The following SCFD2 variants were observed in gnomAD, a reference collection of about 807,000 sequenced individuals.
The protein encoded by SCFD2 is sec1 family domain containing 2.
A neutral mutation model predicts 58.9 loss-of-function variants in SCFD2; 54 were observed. That is an observed-to-expected ratio of 0.92 (90% CI 0.74 to 1.15). The LOEUF (loss-of-function observed/expected upper bound fraction) is 1.15, where lower values mean the gene tolerates loss of function less well. Among genes scored for constraint, SCFD2 ranks in the 50% most tolerant of loss-of-function variants. SCFD2 has a pLI of 0.00. For synonymous variants in SCFD2, 321 were observed against 335.9 expected (o/e 0.96, Z 0.49); for missense variants, 805 against 836.6 (o/e 0.96, Z 0.47).
At chr4:53,321,829 G>A (rs1577965676) in intron 2 of SCFD2, among the ~76,000 whole-genome samples, 1 of 152,192 alleles carries the variant, frequency 6.6e-6, no homozygotes, top group Admixed American at 6.5e-5. Context: ...ATGTGACAGA[G>A]TCCCTTGGTA....
At chr4:53,093,027 G>A (rs1162075280) in intron 5 of SCFD2, among the ~76,000 whole-genome samples, 3 of 152,102 alleles carry the variant, frequency 2.0e-5, no homozygotes, top group African/African-American at 7.2e-5. Context: ...GCTGGAGTGT[G>A]CACAGTGCCT....
chr4:52,954,786 G>T (rs1158224725), intron 5 of SCFD2, among the ~76,000 whole-genome samples: 1 of 152,168 alleles, frequency 6.6e-6, no homozygotes, highest in Non-Finnish European at 1.5e-5. Context: ...AGAGCTGGCG[G>T]TTTTGCAGAT....
chr4:53,000,652 A>T (rs1189874505), intron 5 of SCFD2, among the ~76,000 whole-genome samples: 1 of 152,214 alleles, frequency 6.6e-6, no homozygotes, highest in Non-Finnish European at 1.5e-5. Context: ...CCTATCTTCC[A>T]GGCCAGCCTA....
At chr4:52,993,011 G>T (rs1721657721) in intron 5 of SCFD2, among the ~76,000 whole-genome samples, 2 of 151,818 alleles carry the variant, frequency 1.3e-5, no homozygotes, top group South Asian at 4.2e-4. Flanking sequence ...CTGTGCAGAG[G>T]GAAGTAGACG....
At chr4:53,306,089 C>T (rs750445115) in intron 3 of SCFD2, among the ~76,000 whole-genome samples, 11 of 152,080 alleles carry the variant, frequency 7.2e-5, no homozygotes, top group Non-Finnish European at 1.6e-4. Flanking sequence ...TGCTGTAATA[C>T]AATAATAGTA....
chr4:53,357,542 T>C (rs901846601), intron 1 of SCFD2, among the ~76,000 whole-genome samples: 2 of 152,018 alleles, frequency 1.3e-5, no homozygotes, highest in African/African-American at 4.8e-5. Flanking sequence ...GAGGGTCAAA[T>C]AGCACAAAAA....
chr4:53,008,327 A>G (rs1404269688), intron 5 of SCFD2, among the ~76,000 whole-genome samples: 1 of 152,078 alleles, frequency 6.6e-6, no homozygotes, highest in African/African-American at 2.4e-5. Flanking sequence ...ATGTAGAATG[A>G]CACCCCCCCT....
chr4:53,248,032 G>A (rs550037163), intron 4 of SCFD2, among the ~76,000 whole-genome samples: 1 of 152,338 alleles, frequency 6.6e-6, no homozygotes, highest in Non-Finnish European at 1.5e-5. Flanking sequence ...TCACTAGGGA[G>A]TGCCAGACAG....
At chr4:53,325,566 A>C (rs1042182618) in intron 2 of SCFD2, among the ~76,000 whole-genome samples, 1 of 152,224 alleles carries the variant, frequency 6.6e-6, no homozygotes, top group African/African-American at 2.4e-5. Context: ...TAAATGAACT[A>C]AAAGGCATCG....
chr4:53,096,054 A>C (rs925715459), intron 5 of SCFD2, among the ~76,000 whole-genome samples: 4 of 152,006 alleles, frequency 2.6e-5, no homozygotes, highest in African/African-American at 4.8e-5. Context: ...TGAACTCATC[A>C]TTTTTTATGG....
intron 5 of SCFD2, among the ~76,000 whole-genome samples, chr4:52,932,499 C>T (rs1454857382): frequency 1.3e-5 from 2 of 151,990 alleles, no homozygotes; most frequent in Non-Finnish European, 2.9e-5. Flanking sequence ...ACTCACTGAC[C>T]GTATTATAGG....
intron 6 of SCFD2, among the ~76,000 whole-genome samples, chr4:52,909,485 G>A (rs962596092): frequency 6.6e-6 from 1 of 152,202 alleles, no homozygotes; most frequent in Non-Finnish European, 1.5e-5. Flanking sequence ...GAATACGGAA[G>A]TTTAAATTGC....
intron 4 of SCFD2, among the ~76,000 whole-genome samples, chr4:53,158,300 T>C (rs1726750322): frequency 6.6e-6 from 1 of 152,196 alleles, no homozygotes; most frequent in South Asian, 2.1e-4. Context: ...CGTAAATACA[T>C]ATCTCCAGCC....
At chr4:53,188,840 C>G (rs1560376800) in intron 4 of SCFD2, among the ~76,000 whole-genome samples, 1 of 152,170 alleles carries the variant, frequency 6.6e-6, no homozygotes, top group Non-Finnish European at 1.5e-5. Context: ...TCTATCCAGT[C>G]TATCCCAAAT....
intron 5 of SCFD2, among the ~76,000 whole-genome samples, chr4:53,145,029 A>G (rs1168366127): frequency 1.3e-5 from 2 of 152,122 alleles, no homozygotes; most frequent in African/African-American, 4.8e-5. Flanking sequence ...CCTACTGTGA[A>G]GTGCACATAT....
chr4:53,066,580 C>G (rs1038255703), intron 5 of SCFD2, among the ~76,000 whole-genome samples: 3 of 152,146 alleles, frequency 2.0e-5, no homozygotes, highest in Non-Finnish European at 2.9e-5. Flanking sequence ...CTGTATGGGT[C>G]CTATGAGGTG....
rs778266885 is a variant in SCFD2, at chr4:53,365,272, T to G, written c.670A>C (p.Ser224Arg). 9 of 1,614,210 alleles carry G rather than the reference T, an allele frequency of 5.6e-6. No individual in the cohort carries two copies. In the South Asian group the frequency reaches 8.8e-5, roughly 16 times the overall value. ...LQIRCLVSGL[S>R]SLCEHLGVRE... ...ACTCCTAAATGTTCACACAGAGAACTGAGGCCTGACACTAGGCATCTGATC... is the reference window on the plus strand; with the variant it reads ...ACTCCTAAATGTTCACACAGAGAACGGAGGCCTGACACTAGGCATCTGATC... Residue 224 changes from serine to arginine, a missense_variant, in exon 1 of 9, where the codon AGT becomes CGT. Transcript: ENST00000401642. The surrounding 1 kb of genome is among the most constrained non-coding windows in gnomAD (Gnocchi z 4.3).
At chr4:53,335,197 A>C (rs1212859154) in intron 2 of SCFD2, among the ~76,000 whole-genome samples, 1 of 140,554 alleles carries the variant, frequency 7.1e-6, no homozygotes, top group Non-Finnish European at 1.5e-5. Flanking sequence ...TCCGTCTCAA[A>C]AAAAAAAAAA....
At chr4:52,886,728 G>C (rs944536056) in intron 7 of SCFD2, among the ~76,000 whole-genome samples, 1 of 152,218 alleles carries the variant, frequency 6.6e-6, no homozygotes, top group African/African-American at 2.4e-5. Flanking sequence ...TGACTTCTTA[G>C]CTACCAGATG....
Sources: gnomAD v4.1 joint callset for allele counts (sites outside exome capture counted in the v4.1 genomes callset) on GRCh38, gnomAD v4.1.1 for gene constraint, Gnocchi (gnomAD v3.1) non-coding constraint, MANE v1.5 for transcripts, NCBI Gene and HGNC (gene_info 2026-07-23, HGNC 2026-07-21) for gene names.